The following MS4A13 variants were observed in gnomAD, a reference collection of about 807,000 sequenced individuals.
MS4A13 encodes membrane-spanning 4-domains subfamily A member 13.
In MS4A13, 21 loss-of-function variants were observed where a neutral mutation model predicts 18.4. The observed-to-expected ratio is 1.14, with a 90% CI of 0.81 to 1.64. The LOEUF is 1.64. Ranked by LOEUF, MS4A13 falls within the 40% of genes most tolerant of loss-of-function variation. The pLI is 0.00. For synonymous variants in MS4A13, 62 were observed against 57.2 expected (o/e 1.08, Z -0.38); for missense variants, 173 against 176.8 (o/e 0.98, Z 0.12).
At chr11:60,528,230 T>C (rs975910079) in intron 5 of MS4A13, among the ~76,000 whole-genome samples, 5 of 152,250 alleles carry the variant, frequency 3.3e-5, no homozygotes, top group Admixed American at 6.5e-5. Flanking sequence ...TTTTAATTTA[T>C]GCTATTAAAC....
chr11:60,527,873 A>G (rs1299810422), intron 5 of MS4A13, among the ~76,000 whole-genome samples: 4 of 152,102 alleles, frequency 2.6e-5, no homozygotes, highest in Non-Finnish European at 4.4e-5. Flanking sequence ...AAAATAAGGA[A>G]TATGGGTAAA....
At chr11:60,524,744 G>C (rs2086701335) in intron 4 of MS4A13, among the ~76,000 whole-genome samples, 1 of 148,170 alleles carries the variant, frequency 6.7e-6, no homozygotes, top group African/African-American at 2.5e-5. Context: ...CTCACTGCAA[G>C]CTCTGCCTCC....
At chr11:60,517,181 T>C (rs564968748) in intron 2 of MS4A13, among the ~76,000 whole-genome samples, 1 of 143,016 alleles carries the variant, frequency 7.0e-6, no homozygotes, top group Non-Finnish European at 1.5e-5. Flanking sequence ...AGAGACTTTT[T>C]CTTAAAAAAA....
chr11:60,522,667 AT>A (rs1396324716), intron 3 of MS4A13, among the ~76,000 whole-genome samples: 1 of 152,180 alleles, frequency 6.6e-6, no homozygotes, highest in Non-Finnish European at 1.5e-5. Flanking sequence ...GGAGAAAAAT[AT>A]TGAATTTTTG....
chr11:60,529,722 T>C (rs2086750344), intron 6 of MS4A13, among the ~76,000 whole-genome samples: 1 of 152,196 alleles, frequency 6.6e-6, no homozygotes, highest in Non-Finnish European at 1.5e-5. Flanking sequence ...TATCCACACA[T>C]CCAATTCTAT....
At chr11:60,527,445 T>TGTGTGTGTGTGTGTGTGTGTG (rs2086726963) in intron 5 of MS4A13, among the ~76,000 whole-genome samples, 1 of 149,314 alleles carries the variant, frequency 6.7e-6, no homozygotes, top group African/African-American at 2.5e-5. Context: ...TGTGTGTGTG[T>TGTGTGTGTGTGTGTGTGTGTG]TTCCGTTTCC....
rs764023590 is a variant in MS4A13 at position 60,542,542 on chromosome 11, A to T, written c.426A>T (p.Thr142=). The T allele has an allele frequency of 1.9e-6, 3 of 1,610,808 alleles. No individual in the cohort carries two copies. Among genetic ancestry groups the T allele is most frequent in the Non-Finnish European group, 2.5e-6 (3 of 1,178,348 alleles). Residue 142 remains threonine (T), a synonymous_variant, in exon 7 of 7, where the codon ACA becomes ACT. Transcript: ENST00000378186. The part of the protein sequence containing the change: ...SNLFRRQNDL[T]SVTEEAESTP ...AGTTTCGAAGACAAAATGATCTTAC[A>T]TCTGTTACTGAGGAAGCTGAGAGCA...
intron 3 of MS4A13, among the ~76,000 whole-genome samples, chr11:60,520,637 G>T (rs916162802): frequency 6.6e-6 from 1 of 152,226 alleles, no homozygotes; most frequent in African/African-American, 2.4e-5. Context: ...GGGCTCCCAT[G>T]GCCTTGGGCT....
chr11:60,519,055 G>A (rs1435484370), intron 3 of MS4A13, among the ~76,000 whole-genome samples: 1 of 152,148 alleles, frequency 6.6e-6, no homozygotes, highest in African/African-American at 2.4e-5. Context: ...ATGAGTAAAT[G>A]GGGGTGGGTA....
intron 3 of MS4A13, 57 bp downstream of exon 3, chr11:60,518,269 T>C (rs1457265360): frequency 3.6e-6 from 5 of 1,395,186 alleles, no homozygotes; most frequent in Non-Finnish European, 4.8e-6. Flanking sequence ...TTCATGCCAA[T>C]AGTAGAAGGT....
At chr11:60,524,011 A>G (rs2086695590) in intron 4 of MS4A13, 58 bp downstream of exon 4, 1 of 1,047,704 alleles carries the variant, frequency 9.5e-7, no homozygotes, top group Non-Finnish European at 1.5e-6. Context: ...CTAAATATTA[A>G]GTTTTAATGA....
At chr11:60,538,186 A>T (rs1378485528) in intron 6 of MS4A13, among the ~76,000 whole-genome samples, 1 of 151,018 alleles carries the variant, frequency 6.6e-6, no homozygotes, top group African/African-American at 2.4e-5. Context: ...ATAAAAAAAA[A>T]AAAAACGAAA....
intron 3 of MS4A13, among the ~76,000 whole-genome samples, chr11:60,522,612 A>G (rs1188500671): frequency 6.6e-6 from 1 of 152,166 alleles, no homozygotes; most frequent in Non-Finnish European, 1.5e-5. Context: ...CCACTTTTAT[A>G]CATACACTAA....
intron 6 of MS4A13, among the ~76,000 whole-genome samples, chr11:60,538,721 G>T (rs1381945638): frequency 1.4e-5 from 2 of 146,236 alleles, no homozygotes. Context: ...ACTTCCTGGG[G>T]TTACTCCTAT....
chr11:60,538,193 G>GAAAAA (rs373782147), intron 6 of MS4A13, among the ~76,000 whole-genome samples: 1 of 107,670 alleles, frequency 9.3e-6, no homozygotes, highest in Non-Finnish European at 2.0e-5. Flanking sequence ...AAAAAAAAAC[G>GAAAAA]AAAAAAAAAA....
intron 3 of MS4A13, 126 bp from the exon 4 acceptor site, chr11:60,523,771 A>G: frequency 1.6e-6 from 1 of 623,722 alleles, no homozygotes; most frequent in East Asian, 2.9e-5. Flanking sequence ...CATCTACTAA[A>G]ACTTCTGTAT....
chr11:60,538,782 C>A (rs1324576213), intron 6 of MS4A13, among the ~76,000 whole-genome samples: 2 of 139,774 alleles, frequency 1.4e-5, no homozygotes, highest in Non-Finnish European at 3.1e-5. Flanking sequence ...TAGGCCTAAT[C>A]TAAGCCCCTA....
chr11:60,527,254 T>C (rs1357875289), intron 5 of MS4A13, among the ~76,000 whole-genome samples: 1 of 152,068 alleles, frequency 6.6e-6, no homozygotes, highest in African/African-American at 2.4e-5. Context: ...TTTTAAGTAA[T>C]AGGAAATACA....
At chr11:60,532,617 G>T (rs2086779831) in intron 6 of MS4A13, among the ~76,000 whole-genome samples, 2 of 152,174 alleles carry the variant, frequency 1.3e-5, no homozygotes, top group South Asian at 4.1e-4. Context: ...CATTGCGCAG[G>T]CTTGCTTAGG....
Sources: allele counts gnomAD v4.1 joint callset (sites outside exome capture counted in the v4.1 genomes callset), GRCh38; gene constraint gnomAD v4.1.1; transcripts MANE v1.5; gene names NCBI Gene and HGNC (gene_info 2026-07-23, HGNC 2026-07-21).